WDPCP: variants seen among roughly 807,000 people sequenced by gnomAD.
WDPCP encodes WD repeat-containing and planar cell polarity effector protein fritz homolog.
Under a neutral mutation model 93.1 loss-of-function variants are expected in WDPCP, and 71 were observed. That is an observed-to-expected ratio of 0.76 (90% CI 0.63 to 0.93). The LOEUF (loss-of-function observed/expected upper bound fraction) is 0.93, where lower values mean the gene tolerates loss of function less well. Among genes scored for constraint, WDPCP ranks in the 40% least tolerant of loss-of-function variants. The pLI is 0.00. For missense variants in WDPCP, 844 were observed against 887.4 expected (o/e 0.95, Z 0.62); for synonymous variants, 315 against 315.0 (o/e 1.00, Z 0.00).
chr2:63,417,753 TTAA>T (rs1695541222), intron 9 of WDPCP, among the ~76,000 whole-genome samples: 1 of 147,962 alleles, frequency 6.8e-6, no homozygotes, highest in Non-Finnish European at 1.5e-5. Flanking sequence ...TATATTAATA[TTAA>T]TATATATTTA....
chr2:63,574,101 C>A (rs1707745412), intron 1 of WDPCP, among the ~76,000 whole-genome samples: 1 of 152,110 alleles, frequency 6.6e-6, no homozygotes, highest in South Asian at 2.1e-4. Flanking sequence ...GTGATCTTAC[C>A]CTGCCTCCAT....
intron 9 of WDPCP, among the ~76,000 whole-genome samples, chr2:63,430,809 G>T (rs1016315482): frequency 3.3e-5 from 5 of 152,346 alleles, no homozygotes; most frequent in Non-Finnish European, 7.4e-5. Context: ...TTGAACCTGG[G>T]AGGCGGAGAT....
chr2:63,513,179 A>C (rs1043580984), intron 1 of WDPCP, among the ~76,000 whole-genome samples: 1 of 152,236 alleles, frequency 6.6e-6, no homozygotes, highest in Non-Finnish European at 1.5e-5. Context: ...AGGTCTATTA[A>C]AAAAGCACAT....
chr2:63,752,408 T>G, intron 2 of WDPCP: 1 of 763,196 alleles, frequency 1.3e-6, no homozygotes, highest in Non-Finnish European at 2.4e-6. Flanking sequence ...ATCCACCTTG[T>G]GTGGCCTTGC....
At chr2:63,697,084 G>A (rs762829553) in intron 2 of WDPCP, among the ~76,000 whole-genome samples, 1 of 152,124 alleles carries the variant, frequency 6.6e-6, no homozygotes, top group African/African-American at 2.4e-5. Context: ...ATCCTATTCA[G>A]TCTTAAAATG....
intron 13 of WDPCP, among the ~76,000 whole-genome samples, chr2:63,287,501 C>T (rs936029769): frequency 6.6e-6 from 1 of 152,152 alleles, no homozygotes; most frequent in African/African-American, 2.4e-5. Context: ...TTCCTCAGGG[C>T]ATGAAGAACT....
In WDPCP at chr2:63,550,565, T is replaced by TC. The variant is rs145290640; in HGVS notation, c.75+37631dup. 4.7e-3 allele frequency among the ~76,000 whole-genome samples: 707 copies of TC among 151,910 alleles called. 8 individuals carry two copies. Among genetic ancestry groups the TC allele is most frequent in the African/African-American group, 0.016 (663 of 41,292 alleles). ...CTTAAGTACCATTTTTCTGTTTCTGTCTAATATTCCTCAAAATTCTGTCTT... is the reference window on the plus strand; with the variant it reads ...CTTAAGTACCATTTTTCTGTTTCTGTCCTAATATTCCTCAAAATTCTGTCTT... On this transcript the variant is annotated intron_variant, in intron 1 of 17. Coordinates refer to ENST00000272321, the MANE Select transcript of WDPCP (RefSeq NM_015910.7).
At chr2:63,358,233 A>T (rs1490292106) in intron 12 of WDPCP, among the ~76,000 whole-genome samples, 3 of 152,054 alleles carry the variant, frequency 2.0e-5, no homozygotes, top group African/African-American at 7.2e-5. Flanking sequence ...TGAACCTAAA[A>T]GTTTTTTAAA....
chr2:63,817,352 C>G (rs1670952341), intron 1 of WDPCP, among the ~76,000 whole-genome samples: 1 of 152,180 alleles, frequency 6.6e-6, no homozygotes. Flanking sequence ...TCATGATCCA[C>G]CTGTCTTGGC....
At chr2:63,574,314 T>G (rs1038708492) in intron 1 of WDPCP, among the ~76,000 whole-genome samples, 12 of 152,184 alleles carry the variant, frequency 7.9e-5, no homozygotes, top group African/African-American at 2.9e-4. Flanking sequence ...TCTGTCCCTT[T>G]ATTTCTCAGA....
upstream of WDPCP, chr2:63,588,932 C>T (rs534258590): frequency 4.1e-6 from 6 of 1,476,784 alleles, no homozygotes; most frequent in East Asian, 2.3e-5. Flanking sequence ...GGGAGCGGAG[C>T]CTTTTCTCGC....
chr2:63,460,191 A>G lies in WDPCP; in HGVS notation c.385-20320T>C, dbSNP rs1174355962. On this transcript the variant is annotated intron_variant, in intron 6 of 17. Coordinates refer to ENST00000272321, the MANE Select transcript of WDPCP (RefSeq NM_015910.7). ...AATCATGCATTTTGTAGCAACATGG[A>G]TGGAACTGGAGGTCAGTATGTTAAA... is the stretch of plus-strand genomic sequence containing the variant. Among the ~76,000 whole-genome samples, 3 of 152,306 alleles carry G rather than the reference A, an allele frequency of 2.0e-5. No individual in the cohort carries two copies. The East Asian group carries it at 5.8e-4, about 29-fold the overall frequency.
intron 17 of WDPCP, among the ~76,000 whole-genome samples, chr2:63,146,898 G>A (rs539390728): frequency 3.3e-5 from 5 of 152,242 alleles, no homozygotes; most frequent in African/African-American, 4.8e-5. Context: ...GTGGGCATAC[G>A]GATGTTTACT....
At chr2:63,351,366 C>A (rs1239622231) in intron 12 of WDPCP, among the ~76,000 whole-genome samples, 1 of 151,878 alleles carries the variant, frequency 6.6e-6, no homozygotes, top group East Asian at 1.9e-4. Context: ...GGGTATGGAT[C>A]CCATCACCCA....
chr2:63,278,940 G>A (rs1683293278), intron 13 of WDPCP, among the ~76,000 whole-genome samples: 1 of 152,094 alleles, frequency 6.6e-6, no homozygotes, highest in Non-Finnish European at 1.5e-5. Flanking sequence ...TTAAACCAGG[G>A]AGATATATAA....
chr2:63,350,397 A>G (rs191689270), intron 12 of WDPCP, among the ~76,000 whole-genome samples: 1 of 152,146 alleles, frequency 6.6e-6, no homozygotes. Context: ...TATGTATCAA[A>G]CCTGCACATT....
At chr2:63,555,252 C>A (rs1380470450) in intron 1 of WDPCP, among the ~76,000 whole-genome samples, 1 of 152,226 alleles carries the variant, frequency 6.6e-6, no homozygotes, top group African/African-American at 2.4e-5. Flanking sequence ...TGAGGCCGGA[C>A]CCTGACCCAT....
At chr2:63,511,836 G>A (rs1046584387) in intron 1 of WDPCP, among the ~76,000 whole-genome samples, 2 of 152,150 alleles carry the variant, frequency 1.3e-5, no homozygotes, top group African/African-American at 4.8e-5. Flanking sequence ...ACATAGGCAT[G>A]GGCAAAGACT....
intron 2 of WDPCP, among the ~76,000 whole-genome samples, chr2:63,715,988 G>A (rs1197999273): frequency 6.6e-6 from 1 of 152,230 alleles, no homozygotes; most frequent in Non-Finnish European, 1.5e-5. Flanking sequence ...AAGAGGAAAT[G>A]TGCTTAACTG....
Sources: gnomAD v4.1 joint callset for allele counts (sites outside exome capture counted in the v4.1 genomes callset) on GRCh38, gnomAD v4.1.1 for gene constraint, MANE v1.5 for transcripts, NCBI Gene and HGNC (gene_info 2026-07-23, HGNC 2026-07-21) for gene names.